SAXO3: variants seen among roughly 807,000 people sequenced by gnomAD.
SAXO3 encodes the protein CTB-60B18.10.
the SAXO3 span, chr19:49,019,633 T>G: frequency 8.0e-7 from 1 of 1,250,984 alleles, no homozygotes; most frequent in Non-Finnish European, 1.0e-6. Context: ...CGGCGCCGGC[T>G]TCCACCCAGA....
the SAXO3 span, chr19:49,018,291 A>C: frequency 1.7e-6 from 2 of 1,166,018 alleles, no homozygotes; most frequent in African/African-American, 1.6e-5. Flanking sequence ...GTCTCTTCGA[A>C]GCTCCAGTAG....
chr19:49,019,256 C>T, the SAXO3 span: 1 of 1,306,796 alleles, frequency 7.7e-7, no homozygotes, highest in Non-Finnish European at 9.7e-7. Context: ...GGAACTCAAA[C>T]CCAAGCCCCC....
chr19:49,018,403 C>T, the SAXO3 span: 1 of 1,031,976 alleles, frequency 9.7e-7, no homozygotes, highest in Non-Finnish European at 1.2e-6. Flanking sequence ...TTTCAGACCT[C>T]GGGATCTAAG....
chr19:49,018,233 G>T, the SAXO3 span: 1 of 731,994 alleles, frequency 1.4e-6, no homozygotes, highest in Non-Finnish European at 1.9e-6. Context: ...CGGCCGGGAG[G>T]AGCGCGGACA....
chr19:49,019,984 C>A, the SAXO3 span: 1 of 1,512,512 alleles, frequency 6.6e-7, no homozygotes. Flanking sequence ...GGGCGCAGGG[C>A]CCGCCATGGG....
At chr19:49,019,302 C>T in the SAXO3 span, 1 of 1,218,656 alleles carries the variant, frequency 8.2e-7, no homozygotes, top group South Asian at 2.7e-5. Flanking sequence ...TCCGCTCTGT[C>T]TTAAACCGTC....
chr19:49,019,089 C>G, the SAXO3 span: 1 of 1,447,214 alleles, frequency 6.9e-7, no homozygotes. Flanking sequence ...AATCCCTCTC[C>G]TTCGGCCTCG....
At chr19:49,020,521 C>T in the SAXO3 span, 1 of 398,584 alleles carries the variant, frequency 2.5e-6, no homozygotes, top group Non-Finnish European at 4.4e-6. Context: ...GCCATGGTTC[C>T]ACCCCCACTC....
At chr19:49,020,264 T>C in the SAXO3 span, 1 of 455,678 alleles carries the variant, frequency 2.2e-6, no homozygotes, top group Non-Finnish European at 3.8e-6. Flanking sequence ...GACCCAGAAC[T>C]CCAGGACCCT....
chr19:49,018,265 G>A, the SAXO3 span: 12 of 1,015,338 alleles, frequency 1.2e-5, no homozygotes, highest in Admixed American at 3.0e-4. Flanking sequence ...GCGGGCCGTG[G>A]CTCCAGACCT....
chr19:49,019,266 C>T, the SAXO3 span: 2 of 1,295,910 alleles, frequency 1.5e-6, no homozygotes, highest in East Asian at 3.1e-5. Flanking sequence ...CCCAAGCCCC[C>T]AGCCACCAAA....
At chr19:49,019,865 C>A in the SAXO3 span, 1 of 1,331,344 alleles carries the variant, frequency 7.5e-7, no homozygotes, top group Non-Finnish European at 1.0e-6. Context: ...AAATGCAGTC[C>A]CCCGCCCTGT....
chr19:49,018,986 C>T, the SAXO3 span: 3 of 1,533,200 alleles, frequency 2.0e-6, no homozygotes, highest in East Asian at 7.3e-5. Flanking sequence ...GGTTCTTCGT[C>T]CAGGCAATTA....
the SAXO3 span, chr19:49,018,470 G>T: frequency 1.9e-6 from 1 of 516,328 alleles, no homozygotes; most frequent in Non-Finnish European, 3.0e-6. Flanking sequence ...GGAAGGACGC[G>T]ACCCGGCACG....
the SAXO3 span, chr19:49,019,609 C>T: frequency 3.3e-5 from 42 of 1,258,284 alleles, no homozygotes; most frequent in African/African-American, 6.1e-4. Context: ...TCCCGGAGCT[C>T]CGCCCCGTCT....
chr19:49,019,116 C>T, the SAXO3 span: 1 of 1,432,594 alleles, frequency 7.0e-7, no homozygotes, highest in Non-Finnish European at 9.1e-7. Context: ...ATGACGGCCA[C>T]GGCCCTCACA....
chr19:49,018,097 G>T, the SAXO3 span: 2 of 399,174 alleles, frequency 5.0e-6, no homozygotes, highest in Non-Finnish European at 8.8e-6. Context: ...GGCAGAAGCG[G>T]TCGAGCCGCC....
the SAXO3 span, chr19:49,019,358 A>C: frequency 8.2e-7 from 1 of 1,218,298 alleles, no homozygotes; most frequent in Non-Finnish European, 1.0e-6. Flanking sequence ...CAGCAACTCC[A>C]AGTTACCTCT....
At chr19:49,019,476 C>T in the SAXO3 span, 1 of 1,239,764 alleles carries the variant, frequency 8.1e-7, no homozygotes, top group Non-Finnish European at 1.0e-6. Flanking sequence ...AGTTTGTAGT[C>T]CCTGGTCCTT....
Sources: allele counts gnomAD v4.1 joint callset, GRCh38; gene constraint gnomAD v4.1.1; transcripts MANE v1.5; gene names NCBI Gene and HGNC (gene_info 2026-07-23, HGNC 2026-07-21).